PDE1C: variants seen among roughly 807,000 people sequenced by gnomAD.
PDE1C encodes the protein phosphodiesterase 1C.
Under a neutral mutation model 93.1 loss-of-function variants are expected in PDE1C, and 62 were observed. The observed-to-expected ratio is 0.67, with a 90% CI of 0.54 to 0.82. PDE1C has a LOEUF of 0.82. PDE1C is among the 40% of genes least tolerant of loss of function. The pLI, the probability that PDE1C is intolerant of heterozygous loss-of-function variation, is 0.00. For synonymous variants in PDE1C, 325 were observed against 310.1 expected (o/e 1.05, Z -0.50); for missense variants, 742 against 884.6 (o/e 0.84, Z 2.04).
chr7:31,761,809 T>C (rs1420729745), intron 17 of PDE1C, among the ~76,000 whole-genome samples: 3 of 152,206 alleles, frequency 2.0e-5, no homozygotes, highest in Admixed American at 1.3e-4. Flanking sequence ...TCATCTTCCA[T>C]GAGCTATTTG....
chr7:32,076,001 G>A (rs1796328948), upstream of PDE1C, among the ~76,000 whole-genome samples: 1 of 152,140 alleles, frequency 6.6e-6, no homozygotes, highest in South Asian at 2.1e-4. Flanking sequence ...ATACCCTAAT[G>A]TTCCATCAAC....
At chr7:31,927,811 A>G (rs899140726) in intron 2 of PDE1C, among the ~76,000 whole-genome samples, 2 of 152,202 alleles carry the variant, frequency 1.3e-5, no homozygotes, top group Admixed American at 1.3e-4. Flanking sequence ...TCAAAGGTAT[A>G]TAAATCCACG....
the PDE1C span, among the ~76,000 whole-genome samples, chr7:31,722,434 C>G: frequency 6.6e-6 from 1 of 152,166 alleles, no homozygotes; most frequent in African/African-American, 2.4e-5. Context: ...AAAATGTAGA[C>G]AAGGACCTTA....
chr7:31,753,343 T>C lies in PDE1C; in HGVS notation c.*41A>G, dbSNP rs564214732. The C allele has an allele frequency of 3.8e-6, 6 of 1,588,916 alleles. No individual in the cohort carries two copies. The highest frequency in any genetic ancestry group is 4.5e-5 in the East Asian group (2 of 44,600). ...TGGCCAGTGGGTGCTGAGAAGCAGA[T>C]AGGTAGACCCTCCTTCACTCCCTCT... On this transcript the variant is annotated 3_prime_UTR_variant, in exon 18 of 18. Transcript: ENST00000396191.
intron 1 of PDE1C, among the ~76,000 whole-genome samples, chr7:32,250,257 T>G (rs1386419059): frequency 6.6e-6 from 1 of 152,126 alleles, no homozygotes; most frequent in East Asian, 1.9e-4. Flanking sequence ...ATTTTATAGA[T>G]GACACATATA....
At chr7:31,734,313 A>T in the PDE1C span, among the ~76,000 whole-genome samples, 66 of 152,190 alleles carry the variant, frequency 4.3e-4, no homozygotes, top group African/African-American at 1.6e-3. Flanking sequence ...CCCCTCTTTC[A>T]TCAGAAAAGG....
intron 16 of PDE1C, among the ~76,000 whole-genome samples, chr7:31,776,149 G>T (rs1782944635): frequency 6.6e-6 from 1 of 152,202 alleles, no homozygotes; most frequent in Admixed American, 6.5e-5. Context: ...TGAAGAAGGG[G>T]AAGTTCTGAT....
At chr7:31,797,149 C>A (rs1441750434) in intron 16 of PDE1C, among the ~76,000 whole-genome samples, 2 of 151,666 alleles carry the variant, frequency 1.3e-5, no homozygotes, top group South Asian at 4.1e-4. Flanking sequence ...TTTTCATGGA[C>A]AAATGGCTAA....
chr7:31,763,037 T>A (rs910770012), intron 17 of PDE1C, among the ~76,000 whole-genome samples: 1 of 152,140 alleles, frequency 6.6e-6, no homozygotes, highest in Non-Finnish European at 1.5e-5. Flanking sequence ...CCCAGGAGTC[T>A]CTGAAGTAAT....
intron 1 of PDE1C, among the ~76,000 whole-genome samples, chr7:32,381,780 G>C (rs1331349979): frequency 6.6e-6 from 1 of 152,084 alleles, no homozygotes; most frequent in Non-Finnish European, 1.5e-5. Flanking sequence ...GAATATATTT[G>C]TTTGCATGTT....
At chr7:31,903,714 T>C (rs1225394940) in intron 2 of PDE1C, among the ~76,000 whole-genome samples, 1 of 152,104 alleles carries the variant, frequency 6.6e-6, no homozygotes. Context: ...ATGGGAAGAC[T>C]GATTCCTTAA....
chr7:31,949,843 T>C (rs1475517693), intron 2 of PDE1C, among the ~76,000 whole-genome samples: 1 of 152,192 alleles, frequency 6.6e-6, no homozygotes, highest in Non-Finnish European at 1.5e-5. Context: ...CTTAGGCAGA[T>C]GGAGCTCCCG....
chr7:32,102,808 G>A (rs1798101851), intron 3 of PDE1C, among the ~76,000 whole-genome samples: 1 of 152,206 alleles, frequency 6.6e-6, no homozygotes, highest in African/African-American at 2.4e-5. Context: ...AGCAGGCCAT[G>A]GAGAAGCTGG....
intron 2 of PDE1C, among the ~76,000 whole-genome samples, chr7:32,039,229 A>G (rs918727970): frequency 2.1e-4 from 32 of 152,290 alleles, no homozygotes; most frequent in African/African-American, 7.5e-4. Context: ...AGTAGGGGTG[A>G]TCAGTAAAGA....
intron 1 of PDE1C, among the ~76,000 whole-genome samples, chr7:32,397,060 C>G (rs1047427528): frequency 6.6e-6 from 1 of 152,070 alleles, no homozygotes; most frequent in African/African-American, 2.4e-5. Flanking sequence ...TCTACAAACT[C>G]CAGGTAGGGA....
intron 1 of PDE1C, among the ~76,000 whole-genome samples, chr7:32,317,109 AG>A (rs1395259356): frequency 8.8e-5 from 12 of 136,458 alleles, no homozygotes; most frequent in African/African-American, 4.5e-4. Context: ...AGAACTGTGC[AG>A]TATGCCAGGA....
chr7:32,301,456 T>C (rs1027479185), upstream of PDE1C, among the ~76,000 whole-genome samples: 1 of 152,226 alleles, frequency 6.6e-6, no homozygotes, highest in Non-Finnish European at 1.5e-5. Context: ...ATCACTTCTC[T>C]GTCCCCTAAA....
intron 16 of PDE1C, among the ~76,000 whole-genome samples, chr7:31,796,732 A>T (rs912331751): frequency 3.3e-5 from 5 of 151,464 alleles, no homozygotes; most frequent in Admixed American, 6.6e-5. Context: ...CCAAATCTAT[A>T]AAAAAAACCA....
At chr7:31,797,556 A>G (rs753667858) in intron 16 of PDE1C, among the ~76,000 whole-genome samples, 1 of 151,808 alleles carries the variant, frequency 6.6e-6, no homozygotes, top group Non-Finnish European at 1.5e-5. Flanking sequence ...TAAGGTAAGT[A>G]GAAGAGATTC....
Sources: gnomAD v4.1 joint callset for allele counts (sites outside exome capture counted in the v4.1 genomes callset) on GRCh38, gnomAD v4.1.1 for gene constraint, MANE v1.5 for transcripts, NCBI Gene and HGNC (gene_info 2026-07-23, HGNC 2026-07-21) for gene names.